ATF7IP: variants seen among roughly 807,000 people sequenced by gnomAD.
ATF7IP encodes the protein activating transcription factor 7 interacting protein, also known as activating transcription factor 7-interacting protein 1.
In ATF7IP, 23 loss-of-function variants were observed where a neutral mutation model predicts 106.4. The observed-to-expected ratio is 0.22, with a 90% CI of 0.16 to 0.31. The LOEUF (loss-of-function observed/expected upper bound fraction) is 0.31, where lower values mean the gene tolerates loss of function less well. Among genes scored for constraint, ATF7IP ranks in the 10% least tolerant of loss-of-function variants. The pLI is 1.00. For synonymous variants in ATF7IP, 542 were observed against 539.0 expected, an observed-to-expected ratio of 1.01 and a Z score of -0.08; for missense variants, 1,334 against 1,524.3, an observed-to-expected ratio of 0.88 and a Z score of 2.08.
Position 14,501,996 on chromosome 12 carries a change from T to G in ATF7IP, c.*3923T>G, listed in dbSNP as rs559832720. 1 of 152,222 alleles carries G rather than the reference T, an allele frequency of 6.6e-6. No homozygotes were observed. The highest frequency in any genetic ancestry group is 1.5e-5 in the Non-Finnish European group (1 of 68,032). 9.4% of individuals were successfully genotyped at this position (152,222 alleles called of 1,614,324 possible). A position where few individuals can be genotyped will look rare whatever the true frequency, so the allele number is the denominator to read the frequency against. On this transcript the variant is annotated 3_prime_UTR_variant, in exon 15 of 15. Transcript: ENST00000261168. ...GCCTGTGGTATCCTCATCTCTCACT[T>G]TTTTACTCTGTGATTTTAGCACAGT...
intron 13 of ATF7IP, among the ~76,000 whole-genome samples, chr12:14,482,956 A>G (rs997304917): frequency 2.6e-5 from 4 of 152,246 alleles, no homozygotes; most frequent in African/African-American, 4.8e-5. Flanking sequence ...TAGGAAGTCA[A>G]TAAATCTTAT....
intron 1 of ATF7IP, among the ~76,000 whole-genome samples, chr12:14,397,072 G>T (rs1939891009): frequency 6.6e-6 from 1 of 152,196 alleles, no homozygotes; most frequent in Admixed American, 6.5e-5. Context: ...TGAGGCAGGA[G>T]AATTGCTTGA....
In ATF7IP at chr12:14,399,658, T is replaced by A. The variant is rs536929303; in HGVS notation, c.-7-24251T>A. Among the ~76,000 whole-genome samples the A allele has an allele frequency of 1.1e-4, 16 of 152,192 alleles. No individual in the cohort carries two copies. The South Asian group carries it at 3.1e-3, about 30-fold the overall frequency. ...AGAAACTTGACTTAATTGAAAGTTG[T>A]TGCTTCTGGGTATATTTCTTATGTG... On this transcript the variant is annotated intron_variant, in intron 1 of 14. Coordinates refer to ENST00000261168, the MANE Select transcript of ATF7IP (RefSeq NM_018179.5).
intron 1 of ATF7IP, among the ~76,000 whole-genome samples, chr12:14,405,432 T>G (rs1324834174): frequency 8.1e-5 from 7 of 86,298 alleles, no homozygotes; most frequent in African/African-American, 1.6e-4. Context: ...TTTTTTTTTT[T>G]GTGACAGGAT....
At chr12:14,427,808 A>G (rs1052218949) in intron 2 of ATF7IP, among the ~76,000 whole-genome samples, 3 of 152,130 alleles carry the variant, frequency 2.0e-5, no homozygotes, top group African/African-American at 2.4e-5. Context: ...CTAGAGTCCA[A>G]TTCACAACTG....
chr12:14,405,407 T>C (rs1940516554), intron 1 of ATF7IP, among the ~76,000 whole-genome samples: 1 of 25,342 alleles, frequency 3.9e-5, no homozygotes, highest in Admixed American at 4.8e-4. Context: ...TTTCATCTTT[T>C]TTTTTTTTTT....
chr12:14,416,453 G>A (rs1941211965), intron 1 of ATF7IP, among the ~76,000 whole-genome samples: 1 of 152,130 alleles, frequency 6.6e-6, no homozygotes, highest in Non-Finnish European at 1.5e-5. Flanking sequence ...TTTGCTTGAT[G>A]TTTTCTAAGC....
intron 3 of ATF7IP, among the ~76,000 whole-genome samples, chr12:14,434,821 C>A (rs1942322288): frequency 6.6e-6 from 1 of 152,166 alleles, no homozygotes; most frequent in Admixed American, 6.5e-5. Context: ...TGTAGTGGCT[C>A]ACCCCTGTAA....
At chr12:14,427,226 G>A (rs1244797312) in intron 2 of ATF7IP, among the ~76,000 whole-genome samples, 6 of 152,006 alleles carry the variant, frequency 3.9e-5, no homozygotes, top group Non-Finnish European at 7.4e-5. Context: ...TGGCTTAGGT[G>A]ATCCTCCCAC....
At chr12:14,403,542 G>A (rs1940380996) in intron 1 of ATF7IP, among the ~76,000 whole-genome samples, 1 of 152,110 alleles carries the variant, frequency 6.6e-6, no homozygotes, top group Non-Finnish European at 1.5e-5. Context: ...ACAGTGAGGT[G>A]GCTGATCGAA....
At chr12:14,489,737 C>T (rs1271126176) in intron 13 of ATF7IP, among the ~76,000 whole-genome samples, 1 of 152,170 alleles carries the variant, frequency 6.6e-6, no homozygotes, top group Non-Finnish European at 1.5e-5. Context: ...CAATGGGGAA[C>T]ATGGTAAGAC....
intron 1 of ATF7IP, among the ~76,000 whole-genome samples, chr12:14,412,475 A>G (rs185321704): frequency 6.6e-6 from 1 of 152,084 alleles, no homozygotes; most frequent in Admixed American, 6.5e-5. Context: ...TAGTTTTCAG[A>G]ATATTAAGTT....
intron 1 of ATF7IP, among the ~76,000 whole-genome samples, chr12:14,383,975 A>G (rs1016626104): frequency 1.3e-5 from 2 of 152,156 alleles, no homozygotes; most frequent in African/African-American, 4.8e-5. Context: ...TGAAGTTGTT[A>G]CATACATTAT....
intron 10 of ATF7IP, among the ~76,000 whole-genome samples, chr12:14,467,420 A>G (rs891904230): frequency 2.0e-5 from 3 of 152,204 alleles, no homozygotes; most frequent in Admixed American, 6.5e-5. Flanking sequence ...AATAAAAGCT[A>G]TTAAAAATAT....
At chr12:14,385,427 A>G (rs1344207815) in intron 1 of ATF7IP, 2 of 1,527,626 alleles carry the variant, frequency 1.3e-6, no homozygotes, top group Non-Finnish European at 1.8e-6. Context: ...CTTTTATCTT[A>G]AACATTCTCA....
At chr12:14,389,723 G>T (rs183950689) in intron 1 of ATF7IP, among the ~76,000 whole-genome samples, 1 of 152,108 alleles carries the variant, frequency 6.6e-6, no homozygotes, top group Non-Finnish European at 1.5e-5. Context: ...TGCCTCCCAG[G>T]TTCAAGCAAT....
At chr12:14,380,983 A>G (rs896054347) in intron 1 of ATF7IP, among the ~76,000 whole-genome samples, 38 of 152,146 alleles carry the variant, frequency 2.5e-4, no homozygotes, top group African/African-American at 9.2e-4. Flanking sequence ...GGAGGAGCAG[A>G]TAGTCACTGT....
intron 1 of ATF7IP, among the ~76,000 whole-genome samples, chr12:14,368,895 G>A (rs2136388825): frequency 6.6e-6 from 1 of 151,324 alleles, no homozygotes; most frequent in South Asian, 2.1e-4. Flanking sequence ...CCTTTTAAGT[G>A]GTTTATGATT....
Position 14,424,704 on chromosome 12 carries a change from A to C in ATF7IP, c.789A>C (p.Glu263Asp), listed in dbSNP as rs752935935. 1.2e-5 allele frequency: 19 copies of C among 1,613,952 alleles called. No individual in the cohort carries two copies. The South Asian group carries it at 2.1e-4, about 18-fold the overall frequency. ...CCTCTGGTGATCTATCCTCTAGTGA[A>C]CTGGCCTCTGATGATCTGGCCACTG... ...DLASGDLSSS[E>D]LASDDLATGE... The change falls in exon 2 of 15, where the codon GAA becomes GAC. Residue 263 changes from glutamate (E) to aspartate (D), a missense_variant. Physicochemically the swap from Glu to Asp is conservative, Grantham distance 45. Coordinates refer to ENST00000261168, the MANE Select transcript of ATF7IP (RefSeq NM_018179.5).
Sources: allele counts gnomAD v4.1 joint callset (sites outside exome capture counted in the v4.1 genomes callset), GRCh38; gene constraint gnomAD v4.1.1; transcripts MANE v1.5; gene names NCBI Gene and HGNC (gene_info 2026-07-23, HGNC 2026-07-21).